Variants in ZNF430 observed in about 807,000 individuals in gnomAD.
ZNF430 encodes the protein zinc finger protein 430.
ZNF430 carries 35 observed loss-of-function variants against 56.7 expected under a neutral mutation model. The observed-to-expected ratio is 0.62, with a 90% CI of 0.47 to 0.82. The LOEUF is 0.82. ZNF430 is among the 40% of genes least tolerant of loss of function. ZNF430 has a pLI of 0.00. For missense variants in ZNF430, 574 were observed against 661.0 expected (o/e 0.87, Z 1.44); for synonymous variants, 212 against 224.3 (o/e 0.94, Z 0.49).
chr19:21,046,725 GT>G lies in ZNF430; in HGVS notation c.323-9905del, dbSNP rs1450670833. 3.3e-5 allele frequency among the ~76,000 whole-genome samples: 5 copies of G among 152,088 alleles called. No individual in the cohort carries two copies. The East Asian group carries it at 9.7e-4, about 29-fold the overall frequency. ...TCTGTTGTCAGTCTGATGAACTTTTGTCTATAGGTGATGTGGCGTTTCTCTC... is the reference window on the plus strand; with the variant it reads ...TCTGTTGTCAGTCTGATGAACTTTTGCTATAGGTGATGTGGCGTTTCTCTC... On this transcript the variant is annotated intron_variant, in intron 4 of 4. Coordinates refer to ENST00000261560, the MANE Select transcript of ZNF430 (RefSeq NM_025189.4).
At position 21,057,868 on chromosome 19, in the gene ZNF430, A is replaced by G. The variant is rs1968409010; in HGVS notation, c.1560A>G (p.Lys520=). The G allele has an allele frequency of 2.5e-6, 4 of 1,614,006 alleles. No individual in the cohort carries two copies. Among genetic ancestry groups the G allele is most frequent in the African/African-American group, 1.3e-5 (1 of 75,034 alleles). ...DTSYKYLECD[K]AFSQSSTLTK... ...CTTACAAATACCTAGAATGTGATAA[A>G]GCCTTTAGCCAGTCTTCAACTCTTA... The change falls in exon 5 of 5, where the codon AAA becomes AAG. Residue 520 remains lysine, a synonymous_variant. Coordinates refer to ENST00000261560, the MANE Select transcript of ZNF430 (RefSeq NM_025189.4).
At position 21,058,197 on chromosome 19, in the gene ZNF430, C is replaced by T. The variant is rs547958449; in HGVS notation, c.*176C>T. On this transcript the variant is annotated 3_prime_UTR_variant, in exon 5 of 5. Coordinates refer to ENST00000261560, the MANE Select transcript of ZNF430 (RefSeq NM_025189.4). ...CGGTGGCTCACACCTGTAATCCCAG[C>T]ACTTTGGGAGGCTGAGACGGGTGAA... The T allele has an allele frequency of 1.9e-4, 120 of 625,158 alleles. 4 individuals carry two copies. The highest frequency in any genetic ancestry group is 8.7e-4 in the South Asian group (40 of 45,834). 38.7% of individuals were successfully genotyped at this position (625,158 alleles called of 1,614,324 possible). A position where few individuals can be genotyped will look rare whatever the true frequency, so the allele number is the denominator to read the frequency against.
chr19:21,045,520 G>A (rs1279005045), intron 4 of ZNF430, among the ~76,000 whole-genome samples: 1 of 152,200 alleles, frequency 6.6e-6, no homozygotes, highest in Non-Finnish European at 1.5e-5. Flanking sequence ...AGTGCCATGT[G>A]ACACTTAGGA....
intron 4 of ZNF430, among the ~76,000 whole-genome samples, chr19:21,055,927 G>A (rs547920445): frequency 1.3e-5 from 2 of 152,284 alleles, no homozygotes; most frequent in Non-Finnish European, 2.9e-5. Flanking sequence ...AGAAACCAGT[G>A]TATAGATAGG....
intron 2 of ZNF430, among the ~76,000 whole-genome samples, chr19:21,030,978 G>A (rs1967892308): frequency 6.6e-6 from 1 of 152,050 alleles, no homozygotes; most frequent in Admixed American, 6.6e-5. Context: ...CGCCTCCTGG[G>A]TTCAAGCCAT....
chr19:21,058,315 A>C lies in ZNF430; in HGVS notation c.*294A>C, dbSNP rs1027781293. On this transcript the variant is annotated 3_prime_UTR_variant, in exon 5 of 5. Coordinates refer to ENST00000261560, the MANE Select transcript of ZNF430 (RefSeq NM_025189.4). The stretch of plus-strand genomic sequence containing the variant: ...CAAAATTAGCCATGCGTAGTGGTGC[A>C]TGCCTGTAATCCCAGCTACTCGGGA... 3.5e-6 allele frequency: 1 copy of C among 288,918 alleles called. No homozygotes were observed. The highest frequency in any genetic ancestry group is 2.2e-5 in the African/African-American group (1 of 45,712). The allele number at this position is 288,918 out of a possible 1,614,324, so 17.9% of individuals were successfully genotyped here.
chr19:21,031,825 A>G (rs73926914), intron 2 of ZNF430, among the ~76,000 whole-genome samples: 9,024 of 152,252 alleles, frequency 0.059, 664 homozygotes, highest in African/African-American at 0.18. Flanking sequence ...TAGTACTTGC[A>G]AATCTTTACT....
rs571204146 is a variant in ZNF430 at position 21,044,914 on chromosome 19, A to C, written c.322+10730A>C. On this transcript the variant is annotated intron_variant, in intron 4 of 4. Transcript: ENST00000261560. ...TGATGGTTTGTATTTCTGTGGGGTC[A>C]GTGGTGATATCCTCTTTATGATTTT... is the stretch of plus-strand genomic sequence containing the variant. Among the ~76,000 whole-genome samples, 12 of 152,216 alleles carry C rather than the reference A, an allele frequency of 7.9e-5. No homozygotes were observed. The South Asian group carries it at 2.5e-3, about 32-fold the overall frequency.
intron 4 of ZNF430, among the ~76,000 whole-genome samples, chr19:21,043,444 T>C (rs1968140963): frequency 6.6e-6 from 1 of 152,188 alleles, no homozygotes; most frequent in African/African-American, 2.4e-5. Context: ...AGCAGTCTTA[T>C]TTCTGAGTTC....
intron 4 of ZNF430, chr19:21,049,424 T>A (rs1025905396): frequency 2.6e-5 from 4 of 152,074 alleles, no homozygotes; most frequent in African/African-American, 9.7e-5. Flanking sequence ...GCTTTATATA[T>A]GGTTTTATGA....
At chr19:21,021,900 A>G (rs546652976) in intron 1 of ZNF430, among the ~76,000 whole-genome samples, 1 of 138,976 alleles carries the variant, frequency 7.2e-6, no homozygotes, top group South Asian at 2.2e-4. Flanking sequence ...GCAGTGGCAC[A>G]ATCTCGGCTC....
At chr19:21,042,455 C>T (rs1388895580) in intron 4 of ZNF430, among the ~76,000 whole-genome samples, 1 of 152,130 alleles carries the variant, frequency 6.6e-6, no homozygotes, top group Non-Finnish European at 1.5e-5. Flanking sequence ...TATTTCTCCA[C>T]AGCCTCATCA....
At chr19:21,033,964 T>C (rs1967948402) in intron 3 of ZNF430, 122 bp from the exon 4 acceptor site, 1 of 700,268 alleles carries the variant, frequency 1.4e-6, no homozygotes, top group Admixed American at 3.3e-5. Context: ...ATTTCTGTTA[T>C]AAATTAGTAT....
intron 4 of ZNF430, among the ~76,000 whole-genome samples, chr19:21,055,860 A>C (rs755471241): frequency 2.0e-5 from 3 of 152,042 alleles, no homozygotes; most frequent in Non-Finnish European, 4.4e-5. Flanking sequence ...CAGCAGACTT[A>C]AACTGTCATT....
In ZNF430 at chr19:21,022,836, C is replaced by T. The variant is rs1220985499; in HGVS notation, c.51C>T (p.Cys17=). Reference sequence around the variant, plus strand: ...ATCCTCTCAAGGAAGCAAGTGGATGCCCTGGGGCTGACAGGAATCTTCTGG... The same window carrying T: ...ATCCTCTCAAGGAAGCAAGTGGATGTCCTGGGGCTGACAGGAATCTTCTGG... ...GVYPLKEASG[C]PGADRNLLVY... is the part of the protein sequence containing the mutation. Residue 17 remains cysteine (C), a synonymous_variant, in exon 2 of 5, where the codon TGC becomes TGT. Coordinates refer to ENST00000261560, the MANE Select transcript of ZNF430 (RefSeq NM_025189.4). The T allele has an allele frequency of 1.2e-5, 19 of 1,613,796 alleles. No homozygotes were observed. In the Admixed American group the frequency reaches 2.7e-4, roughly 23 times the overall value.
chr19:21,055,450 G>GT (rs1368905550), intron 4 of ZNF430, among the ~76,000 whole-genome samples: 1 of 149,158 alleles, frequency 6.7e-6, no homozygotes, highest in Non-Finnish European at 1.5e-5. Flanking sequence ...TTTTTTGTTT[G>GT]TTTTTTGTTT....
In ZNF430 at chr19:21,056,797, T is replaced by G; in HGVS notation, c.489T>G (p.Asp163Glu). 1 of 1,614,002 alleles carries G rather than the reference T, an allele frequency of 6.2e-7. No homozygotes were observed. Among genetic ancestry groups the G allele is most frequent in the African/African-American group, 1.3e-5 (1 of 75,058 alleles). The change falls in exon 5 of 5, where the codon GAT (aspartate) becomes GAG (glutamate). Residue 163 changes from aspartate (D) to glutamate (E), a missense_variant. This residue lies in a region of ZNF430 where 346 missense variants were observed against 399.1 expected (regional missense o/e 0.87). Coordinates refer to ENST00000261560, the MANE Select transcript of ZNF430 (RefSeq NM_025189.4). ...GTAATCTGCACAAAGAATGTTATGA[T>G]GAACTAAACCAGTGTTTGACAACTA... The part of the protein sequence containing the change: ...DECNLHKECY[D>E]ELNQCLTTTQ...
intron 2 of ZNF430, chr19:21,025,850 C>A: frequency 3.7e-6 from 1 of 267,216 alleles, no homozygotes; most frequent in South Asian, 5.2e-5. Flanking sequence ...ACTGGGAAAC[C>A]TCCTACTTTC....
chr19:21,020,904 A>G (rs1974285665), intron 1 of ZNF430, 101 bp downstream of exon 1: 4 of 1,523,428 alleles, frequency 2.6e-6, no homozygotes, highest in Non-Finnish European at 3.6e-6. Context: ...AGTCAGCTGC[A>G]CAATCTGCGC....
Sources: gnomAD v4.1 joint callset for allele counts (sites outside exome capture counted in the v4.1 genomes callset) on GRCh38, gnomAD v4.1.1 for gene constraint, gnomAD v4.1.1 regional missense constraint, MANE v1.5 for transcripts, NCBI Gene and HGNC (gene_info 2026-07-23, HGNC 2026-07-21) for gene names.